GRM5: variants seen among roughly 807,000 people sequenced by gnomAD.
GRM5 encodes glutamate metabotropic receptor 5, also known as metabotropic glutamate receptor 5.
Under a neutral mutation model 83.1 loss-of-function variants are expected in GRM5, and 19 were observed. That is an observed-to-expected ratio of 0.23 (90% CI 0.16 to 0.34). GRM5 has a LOEUF of 0.34. Ranked by LOEUF, GRM5 falls within the 10% of genes least tolerant of loss-of-function variation. GRM5 has a pLI of 1.00. For synonymous variants in GRM5, 675 were observed against 633.6 expected, an observed-to-expected ratio of 1.07 and a Z score of -0.98; for missense variants, 1,160 against 1,588.3, an observed-to-expected ratio of 0.73 and a Z score of 4.58.
chr11:88,603,532 A>G (rs1215296932), intron 5 of GRM5, among the ~76,000 whole-genome samples: 1 of 152,014 alleles, frequency 6.6e-6, no homozygotes, highest in Non-Finnish European at 1.5e-5. Flanking sequence ...TTTTTCCTTC[A>G]TGGATATACG....
At chr11:88,902,037 T>A (rs1365038459) in intron 2 of GRM5, among the ~76,000 whole-genome samples, 1 of 152,182 alleles carries the variant, frequency 6.6e-6, no homozygotes, top group East Asian at 1.9e-4. Context: ...CTCTTTATTC[T>A]TTATGGTTTA....
chr11:88,730,644 T>C (rs1591473257), intron 3 of GRM5, among the ~76,000 whole-genome samples: 1 of 151,830 alleles, frequency 6.6e-6, no homozygotes, highest in Admixed American at 6.6e-5. Context: ...ATAGACTAGA[T>C]AAAAAAATGT....
intron 1 of GRM5, among the ~76,000 whole-genome samples, chr11:89,049,650 A>G (rs1941715415): frequency 6.6e-6 from 1 of 152,214 alleles, no homozygotes. Flanking sequence ...ACTGTTTCCT[A>G]TGGCAACAGA....
intron 2 of GRM5, among the ~76,000 whole-genome samples, chr11:88,855,532 G>A (rs1314998654): frequency 6.6e-6 from 1 of 151,688 alleles, no homozygotes; most frequent in Non-Finnish European, 1.5e-5. Flanking sequence ...GTTTATAATT[G>A]TGGATCCTTC....
At chr11:88,766,163 A>G (rs1342876013) in intron 3 of GRM5, among the ~76,000 whole-genome samples, 1 of 151,958 alleles carries the variant, frequency 6.6e-6, no homozygotes, top group African/African-American at 2.4e-5. Flanking sequence ...TGTCATTCCT[A>G]TCAAACTACC....
chr11:88,751,189 T>A (rs1942267814), intron 3 of GRM5, among the ~76,000 whole-genome samples: 2 of 141,920 alleles, frequency 1.4e-5, no homozygotes, highest in African/African-American at 5.3e-5. Context: ...TTTGAAAAAA[T>A]TAATAAAACA....
intron 2 of GRM5, among the ~76,000 whole-genome samples, chr11:88,913,360 G>C (rs1317877069): frequency 6.6e-6 from 1 of 152,094 alleles, no homozygotes; most frequent in African/African-American, 2.4e-5. Context: ...CTCATGCAGA[G>C]GGTAGCAGTT....
intron 2 of GRM5, among the ~76,000 whole-genome samples, chr11:88,884,541 T>G (rs1945010618): frequency 1.3e-5 from 2 of 152,112 alleles, no homozygotes; most frequent in African/African-American, 4.8e-5. Flanking sequence ...TGGGAAAGTA[T>G]GATTGTGTTT....
At chr11:88,568,863 G>C (rs1942926074) in intron 7 of GRM5, among the ~76,000 whole-genome samples, 1 of 152,106 alleles carries the variant, frequency 6.6e-6, no homozygotes, top group Non-Finnish European at 1.5e-5. Context: ...ATTTTTATAA[G>C]AAAACTGACC....
chr11:88,850,497 C>A (rs1422993410), intron 2 of GRM5, among the ~76,000 whole-genome samples: 1 of 151,942 alleles, frequency 6.6e-6, no homozygotes, highest in African/African-American at 2.4e-5. Flanking sequence ...CATTCTATCT[C>A]ACTTCCCTTT....
rs1195456351 is a variant in GRM5 at position 88,504,888 on chromosome 11, G to A, written c.*3704C>T. On this transcript the variant is annotated 3_prime_UTR_variant, in exon 10 of 10. Coordinates refer to ENST00000305447, the MANE Select transcript of GRM5 (RefSeq NM_001143831.3). ...CAGTTATAAGTGCAGAAAAAAGTAA[G>A]TACAAGCACTTTTAGCCCACACAAA... 2 of 152,100 alleles carry A rather than the reference G, an allele frequency of 1.3e-5. No homozygotes were observed. The highest frequency in any genetic ancestry group is 2.9e-5 in the Non-Finnish European group (2 of 67,982). 9.4% of individuals were successfully genotyped at this position (152,100 alleles called of 1,614,324 possible).
At chr11:88,882,991 C>T (rs761810465) in intron 2 of GRM5, among the ~76,000 whole-genome samples, 2 of 152,194 alleles carry the variant, frequency 1.3e-5, no homozygotes, top group African/African-American at 4.8e-5. Context: ...GACTTTGCTC[C>T]TCTTATGCCT....
Position 88,910,312 on chromosome 11 carries a change from A to G in GRM5, c.662-60157T>C, listed in dbSNP as rs1411615051. Among the ~76,000 whole-genome samples, 4 of 152,034 alleles carry G rather than the reference A, an allele frequency of 2.6e-5. No homozygotes were observed. The East Asian group carries it at 7.7e-4, about 29-fold the overall frequency. On this transcript the variant is annotated intron_variant, in intron 2 of 9. Coordinates refer to ENST00000305447, the MANE Select transcript of GRM5 (RefSeq NM_001143831.3). ...ATACAGGACAACATTTTGTTCATCT[A>G]TTTATCTACTGATGAACACCAAGTT...
At chr11:88,891,200 G>A (rs1411754295) in intron 2 of GRM5, among the ~76,000 whole-genome samples, 1 of 152,008 alleles carries the variant, frequency 6.6e-6, no homozygotes, top group Non-Finnish European at 1.5e-5. Context: ...TAATCAAATT[G>A]GGGTTAACAT....
chr11:88,865,822 G>C (rs572485769), intron 2 of GRM5, among the ~76,000 whole-genome samples: 4 of 152,198 alleles, frequency 2.6e-5, no homozygotes, highest in Non-Finnish European at 5.9e-5. Flanking sequence ...ATCGTCACTG[G>C]TCGTTAGGGT....
intron 8 of GRM5, among the ~76,000 whole-genome samples, chr11:88,539,590 C>A (rs1308986138): frequency 6.6e-6 from 1 of 152,138 alleles, no homozygotes; most frequent in Non-Finnish European, 1.5e-5. Flanking sequence ...AAATATTTGT[C>A]CTGTTTCCTC....
Position 88,946,818 on chromosome 11 carries a change from A to G in GRM5, c.662-96663T>C, listed in dbSNP as rs144177506. Among the ~76,000 whole-genome samples the G allele has an allele frequency of 5.8e-3, 890 of 152,180 alleles. 16 individuals carry two copies. Among genetic ancestry groups the G allele is most frequent in the African/African-American group, 0.02 (836 of 41,570 alleles). ...TTCTTTTGTGGGGGTTACTTATTCA[A>G]TCTGGCCTCCCTACAGGGTTCAGGG... On this transcript the variant is annotated intron_variant, in intron 2 of 9. Transcript: ENST00000305447.
intron 3 of GRM5, among the ~76,000 whole-genome samples, chr11:88,842,694 CT>C (rs558124157): frequency 2.6e-5 from 4 of 151,462 alleles, no homozygotes; most frequent in South Asian, 2.1e-4. Context: ...TAGAGTTCAT[CT>C]TTTTTTTTCA....
chr11:88,586,201 G>T (rs1943312506), intron 7 of GRM5, among the ~76,000 whole-genome samples: 1 of 151,946 alleles, frequency 6.6e-6, no homozygotes, highest in Non-Finnish European at 1.5e-5. Context: ...ACGTTAGGTA[G>T]CCTTCATTTA....
Sources: allele counts gnomAD v4.1 joint callset (sites outside exome capture counted in the v4.1 genomes callset), GRCh38; gene constraint gnomAD v4.1.1; transcripts MANE v1.5; gene names NCBI Gene and HGNC (gene_info 2026-07-23, HGNC 2026-07-21).